Variants in PLXND1 observed in about 807,000 individuals in gnomAD.
PLXND1 encodes plexin-D1.
PLXND1 carries 54 observed loss-of-function variants against 197.7 expected under a neutral mutation model. The ratio of observed to expected loss-of-function variants is 0.27; its 90% CI spans 0.22 to 0.34. The LOEUF (loss-of-function observed/expected upper bound fraction) is 0.34. Ranked by LOEUF, PLXND1 falls within the 10% of genes least tolerant of loss-of-function variation. PLXND1 has a pLI of 1.00. For synonymous variants in PLXND1, 1,180 were observed against 1,161.2 expected, an observed-to-expected ratio of 1.02 and a Z score of -0.33; for missense variants, 2,127 against 2,699.2, an observed-to-expected ratio of 0.79 and a Z score of 4.70.
At chr3:129,561,772 G>C (rs1560059632) in intron 28 of PLXND1, 28 bp downstream of exon 28, 1 of 913,164 alleles carries the variant, frequency 1.1e-6, no homozygotes, top group East Asian at 4.1e-5. Context: ...TGAGGGTGGG[G>C]AAATGGGGGC....
At chr3:129,580,836 G>A (rs368335310) in intron 8 of PLXND1, among the ~76,000 whole-genome samples, 3 of 151,410 alleles carry the variant, frequency 2.0e-5, no homozygotes, top group African/African-American at 4.9e-5. Flanking sequence ...TGTACCCCCA[G>A]GGACCCCCAC....
At chr3:129,586,416 T>C (rs1254572124) in intron 3 of PLXND1, 144 bp from the exon 4 acceptor site, 2 of 1,052,276 alleles carry the variant, frequency 1.9e-6, no homozygotes, top group African/African-American at 1.6e-5. Context: ...AGACAAGGCT[T>C]CCCTGCAGAG....
Position 129,556,021 on chromosome 3 carries a change from C to T in PLXND1, c.*291G>A. The T allele has an allele frequency of 2.7e-6, 1 of 365,810 alleles. No individual in the cohort carries two copies. The highest frequency in any genetic ancestry group is 5.0e-6 in the Non-Finnish European group (1 of 200,106). 22.7% of individuals were successfully genotyped at this position (365,810 alleles called of 1,614,324 possible). A position where few individuals can be genotyped will look rare whatever the true frequency, so the allele number is the denominator to read the frequency against. The stretch of plus-strand genomic sequence containing the variant: ...GCAGGACCAACTGGACGTTGTGGAG[C>T]AAGTGGGTGGGCACAGTGCAGGCCG... On this transcript the variant is annotated 3_prime_UTR_variant, in exon 36 of 36. Transcript: ENST00000324093.
In PLXND1 at chr3:129,561,630, C is replaced by T. The variant is rs974520058; in HGVS notation, c.4993+16G>A. 12 of 1,590,776 alleles carry T rather than the reference C, an allele frequency of 7.5e-6. No individual in the cohort carries two copies. Among genetic ancestry groups the T allele is most frequent in the South Asian group, 1.1e-5 (1 of 88,550 alleles). ...ACACGCAGCCTGGGCTCCCTTCCCACGTGCACCCGCACTACCTCGGCCCAG... is the reference window on the plus strand; with the variant it reads ...ACACGCAGCCTGGGCTCCCTTCCCATGTGCACCCGCACTACCTCGGCCCAG... On this transcript the variant is annotated intron_variant, in intron 29 of 35. Coordinates refer to ENST00000324093, the MANE Select transcript of PLXND1 (RefSeq NM_015103.3).
In PLXND1 at chr3:129,558,580, G is replaced by A; in HGVS notation, c.5298-5C>T. The A allele has an allele frequency of 1.2e-6, 2 of 1,613,648 alleles. No homozygotes were observed. The highest frequency in any genetic ancestry group is 1.7e-6 in the Non-Finnish European group (2 of 1,179,744). On this transcript the variant is annotated splice_polypyrimidine_tract_variant and splice_region_variant and intron_variant, in intron 32 of 35. Transcript: ENST00000324093. This position sits in a 1 kb window ranked among gnomAD's most constrained non-coding sequence, Gnocchi z 4.1. ...ACCCAGAACCGGAGAGGAAGGCTGT[G>A]GGGTAGGGTGACAAAGACAGTGAGG...
At chr3:129,574,873 C>G (rs576408490) in intron 11 of PLXND1, among the ~76,000 whole-genome samples, 42 of 152,302 alleles carry the variant, frequency 2.8e-4, no homozygotes, top group Middle Eastern at 3.4e-3. Context: ...TCTGATCAAC[C>G]CCGGCGGGGC....
intron 19 of PLXND1, 59 bp downstream of exon 19, chr3:129,570,716 GGGCAGATGCTT>G: frequency 6.8e-7 from 1 of 1,468,724 alleles, no homozygotes; most frequent in Non-Finnish European, 9.5e-7. Flanking sequence ...GCTGGGTGAG[GGGCAGATGCTT>G]GGCAGATGGG....
Position 129,605,499 on chromosome 3 carries a change from C to T in PLXND1, c.1141G>A (p.Ala381Thr), listed in dbSNP as rs1035888660. The change falls in exon 1 of 36, where the codon GCC (alanine) becomes ACC (threonine). Residue 381 changes from alanine (A) to threonine (T), a missense_variant. Physicochemically the swap from Ala to Thr is moderately conservative, Grantham distance 58. Coordinates refer to ENST00000324093, the MANE Select transcript of PLXND1 (RefSeq NM_015103.3). ...VFERPQGSPA[A>T]RAAPAALCAF... Reference sequence around the variant, plus strand: ...CAGAGTGCGGCCGGAGCAGCGCGGGCCGCGGGGGACCCCTGGGGCCGCTCG... The same window carrying T: ...CAGAGTGCGGCCGGAGCAGCGCGGGTCGCGGGGGACCCCTGGGGCCGCTCG... 4 of 1,493,202 alleles carry T rather than the reference C, an allele frequency of 2.7e-6. No homozygotes were observed. The highest frequency in any genetic ancestry group is 1.5e-5 in the African/African-American group (1 of 68,154). The allele number at this position is 1,493,202 out of a possible 1,614,324, so 92.5% of individuals were successfully genotyped here.
At chr3:129,589,308 C>CCGGGG in intron 2 of PLXND1, 43 bp downstream of exon 2, 10 of 628,602 alleles carry the variant, frequency 1.6e-5, no homozygotes, top group East Asian at 3.7e-5. Context: ...CCCAGGGGAG[C>CCGGGG]CTCCCACCCC....
intron 1 of PLXND1, among the ~76,000 whole-genome samples, chr3:129,598,718 G>C (rs985079313): frequency 3.9e-5 from 6 of 152,048 alleles, no homozygotes; most frequent in Non-Finnish European, 5.9e-5. Context: ...CACCCCTTCC[G>C]ACACCCTCTG....
intron 1 of PLXND1, among the ~76,000 whole-genome samples, chr3:129,590,335 C>T (rs1030661795): frequency 6.6e-6 from 1 of 152,134 alleles, no homozygotes. Context: ...CCTACCTTCC[C>T]TCCCTTCTCC....
At position 129,558,137 on chromosome 3, in the gene PLXND1, G is replaced by A. The variant is rs1248538153; in HGVS notation, c.5445+291C>T. Among the ~76,000 whole-genome samples the A allele has an allele frequency of 6.6e-6, 1 of 152,348 alleles. No individual in the cohort carries two copies. Among genetic ancestry groups the A allele is most frequent in the African/African-American group, 2.4e-5 (1 of 41,574 alleles). ...AAGCAGGTTGTCCAAGCTCATACTG[G>A]CTTTCCCACACCGGGTTCTCAGGCC... On this transcript the variant is annotated intron_variant, in intron 33 of 35. Transcript: ENST00000324093. The surrounding 1 kb of genome is among the most constrained non-coding windows in gnomAD (Gnocchi z 4.1).
At position 129,558,360 on chromosome 3, in the gene PLXND1, G is replaced by A; in HGVS notation, c.5445+68C>T. The A allele has an allele frequency of 1.4e-6, 2 of 1,463,546 alleles. No homozygotes were observed. The highest frequency in any genetic ancestry group is 1.9e-6 in the Non-Finnish European group (2 of 1,063,122). 90.7% of individuals were successfully genotyped at this position (1,463,546 alleles called of 1,614,324 possible). ...AGCTCAGCCTCAGAGAGTCGAGGAG[G>A]CTACCCATGGTCGGCACCCCACTCT... On this transcript the variant is annotated intron_variant, in intron 33 of 35. Transcript: ENST00000324093. This position sits in a 1 kb window ranked among gnomAD's most constrained non-coding sequence, Gnocchi z 4.1.
chr3:129,591,253 C>G (rs1445125635), intron 1 of PLXND1: 1 of 152,262 alleles, frequency 6.6e-6, no homozygotes, highest in African/African-American at 2.4e-5. Flanking sequence ...CACTTCGCCT[C>G]TGAGCCTCAT....
rs370402061 is a variant in PLXND1 at position 129,556,455 on chromosome 3, G to C, written c.5662-27C>G. ...TGAGGGGAGCAGCGGAGTCAGCCGG[G>C]CCATGGCCGGTAGCCCTGCCTCAGT... On this transcript the variant is annotated intron_variant, in intron 35 of 35. Transcript: ENST00000324093. 1.5e-5 allele frequency: 24 copies of C among 1,566,150 alleles called. No homozygotes were observed. The African/African-American group carries it at 3.1e-4, about 20-fold the overall frequency.
rs752341613 is a variant in PLXND1, at chr3:129,557,270, CG to C, written c.5446-48del. 8 of 1,608,430 alleles carry C rather than the reference CG, an allele frequency of 5.0e-6. No homozygotes were observed. Among genetic ancestry groups the C allele is most frequent in the African/African-American group, 1.3e-5 (1 of 74,800 alleles). ...TGTTAGATGGCTGCTGGAGAAAGGA[CG>C]GATCTGGTCGTTTTCTGGATGAGCC... On this transcript the variant is annotated intron_variant, in intron 33 of 35. Transcript: ENST00000324093. This position sits in a 1 kb window ranked among gnomAD's most constrained non-coding sequence, Gnocchi z 4.8.
chr3:129,583,518 A>G, intron 8 of PLXND1, 49 bp downstream of exon 8: 5 of 1,201,004 alleles, frequency 4.2e-6, no homozygotes, highest in East Asian at 4.8e-5. Context: ...AATTTTTTAA[A>G]AAAGGTAATG....
chr3:129,577,531 C>T lies in PLXND1; in HGVS notation c.2346+798G>A, dbSNP rs1010795714. ...CTCCAGCCCCTGCCACGAGGCTTCC[C>T]GACACATCCCAGATGCCCGGCACGT... On this transcript the variant is annotated intron_variant, in intron 9 of 35. Transcript: ENST00000324093. This position sits in a 1 kb window ranked among gnomAD's most constrained non-coding sequence, Gnocchi z 5.0. Among the ~76,000 whole-genome samples, 4 of 152,102 alleles carry T rather than the reference C, an allele frequency of 2.6e-5. No individual in the cohort carries two copies. Among genetic ancestry groups the T allele is most frequent in the African/African-American group, 4.8e-5 (2 of 41,446 alleles).
Position 129,606,200 on chromosome 3 carries a change from A to G in PLXND1, c.440T>C (p.Phe147Ser). The G allele has an allele frequency of 1.3e-6, 2 of 1,570,756 alleles. No homozygotes were observed. The change falls in exon 1 of 36, where the codon TTC becomes TCC. Residue 147 changes from phenylalanine (F) to serine (S), a missense_variant. Physicochemically the swap from Phe to Ser is radical, Grantham distance 155. This residue lies in a region of PLXND1 where 245 missense variants were observed against 267.1 expected (regional missense o/e 0.92). Coordinates refer to ENST00000324093, the MANE Select transcript of PLXND1 (RefSeq NM_015103.3). ...VVVCGSIYQG[F>S]CQLRRRGNIS... ...GTTGCCCCGGCGCCGCAGCTGGCAG[A>G]AGCCCTGGTAGATGGACCCGCACAC...
Sources: allele counts gnomAD v4.1 joint callset (sites outside exome capture counted in the v4.1 genomes callset), GRCh38; gene constraint gnomAD v4.1.1; regional missense constraint gnomAD v4.1.1; non-coding constraint Gnocchi (gnomAD v3.1); transcripts MANE v1.5; gene names NCBI Gene and HGNC (gene_info 2026-07-23, HGNC 2026-07-21).